The following MATR3 variants were observed in gnomAD, a reference collection of about 807,000 sequenced individuals.
MATR3 encodes the protein matrin-3.
MATR3 carries 4 observed loss-of-function variants against 85.5 expected under a neutral mutation model. The ratio of observed to expected loss-of-function variants is 0.05; its 90% CI spans 0.02 to 0.11. The LOEUF (loss-of-function observed/expected upper bound fraction) is 0.11. MATR3 is among the 10% of genes least tolerant of loss of function. The probability of loss-of-function intolerance (pLI) is 1.00; values close to 1 mark genes in which losing one functional copy is unlikely to be tolerated. For missense variants in MATR3, 685 were observed against 1,016.1 expected (o/e 0.67, Z 4.43); for synonymous variants, 336 against 343.1 (o/e 0.98, Z 0.23).
intron 3 of MATR3, chr5:139,279,952 C>T (rs1255204133): frequency 6.6e-6 from 1 of 152,150 alleles, no homozygotes; most frequent in African/African-American, 2.4e-5. Context: ...CTGCTGACTA[C>T]CCTATTGGAC....
At chr5:139,315,625 T>C in intron 3 of MATR3, 72 bp from the exon 4 acceptor site, 1 of 959,546 alleles carries the variant, frequency 1.0e-6, no homozygotes, top group Non-Finnish European at 1.7e-6. Flanking sequence ...ATCTCTATTT[T>C]AGAGGCCAAA....
In MATR3 at chr5:139,328,804, C is replaced by A. The variant is rs185215327; in HGVS notation, c.2494-541C>A. Among the ~76,000 whole-genome samples, 3 of 152,208 alleles carry A rather than the reference C, an allele frequency of 2.0e-5. No individual in the cohort carries two copies. In the East Asian group the frequency reaches 5.8e-4, roughly 29 times the overall value. On this transcript the variant is annotated intron_variant, in intron 14 of 14. Transcript: ENST00000394805. ...ATCACCTGAGATCAGGAGTTTGAGA[C>A]CAGCCTGGCCAACACGGTGAAAACC...
At chr5:139,312,066 G>C (rs1755011927) in intron 2 of MATR3, 1 of 152,150 alleles carries the variant, frequency 6.6e-6, no homozygotes, top group African/African-American at 2.4e-5. Flanking sequence ...ACCACGCCCA[G>C]CCAAGGCTTC....
chr5:139,329,408 G>T lies in MATR3; in HGVS notation c.*13G>T. The T allele has an allele frequency of 6.2e-7, 1 of 1,602,712 alleles. No individual in the cohort carries two copies. The highest frequency in any genetic ancestry group is 1.1e-5 in the South Asian group (1 of 90,776). On this transcript the variant is annotated 3_prime_UTR_variant, in exon 15 of 15. Coordinates refer to ENST00000394805, the MANE Select transcript of MATR3 (RefSeq NM_018834.6). The stretch of plus-strand genomic sequence containing the variant: ...GAAGGAAACTTAAGATGTGCAAGGA[G>T]ATTTAATGATTTCAAAGAAAATAAT...
At chr5:139,324,336 C>T (rs1755735387) in intron 12 of MATR3, among the ~76,000 whole-genome samples, 1 of 148,748 alleles carries the variant, frequency 6.7e-6, no homozygotes, top group African/African-American at 2.5e-5. Context: ...CTCTGTTGCC[C>T]AGGCTGGAGT....
chr5:139,295,953 A>AG (rs1754126522), intron 1 of MATR3, among the ~76,000 whole-genome samples: 1 of 152,088 alleles, frequency 6.6e-6, no homozygotes, highest in Admixed American at 6.6e-5. Flanking sequence ...CCTCCTGGGT[A>AG]GCTGAGATCA....
chr5:139,281,698 T>A (rs1361840762), intron 3 of MATR3, among the ~76,000 whole-genome samples: 2 of 152,074 alleles, frequency 1.3e-5, no homozygotes, highest in East Asian at 3.9e-4. Flanking sequence ...CAATGAAAAC[T>A]TGAATGAGAC....
intron 3 of MATR3, among the ~76,000 whole-genome samples, chr5:139,287,902 T>C (rs988448950): frequency 2.6e-5 from 4 of 152,116 alleles, no homozygotes; most frequent in African/African-American, 9.7e-5. Flanking sequence ...AGGCATTTGA[T>C]GAATGAAATC....
At chr5:139,286,861 A>T (rs1213572801) in intron 3 of MATR3, among the ~76,000 whole-genome samples, 3 of 152,010 alleles carry the variant, frequency 2.0e-5, no homozygotes, top group African/African-American at 7.2e-5. Context: ...AAAAAAAGGA[A>T]TAATGGTAAT....
intron 6 of MATR3, among the ~76,000 whole-genome samples, 200 bp downstream of exon 6, chr5:139,317,305 A>T (rs1755301192): frequency 1.3e-5 from 2 of 152,220 alleles, no homozygotes; most frequent in Admixed American, 1.3e-4. Flanking sequence ...GGTCACCTTA[A>T]TTCAGCATCT....
chr5:139,301,733 G>A (rs561171406), intron 1 of MATR3, among the ~76,000 whole-genome samples: 1 of 152,186 alleles, frequency 6.6e-6, no homozygotes, highest in Non-Finnish European at 1.5e-5. Context: ...GGTACACGGG[G>A]TAACTTTCTA....
At chr5:139,314,544 A>G in intron 2 of MATR3, 131 bp from the exon 3 acceptor site, 1 of 726,250 alleles carries the variant, frequency 1.4e-6, no homozygotes, top group Non-Finnish European at 2.5e-6. Context: ...AATCAATGTG[A>G]TTTAGTGAAT....
chr5:139,290,896 G>A (rs1753852063), upstream of MATR3, among the ~76,000 whole-genome samples: 1 of 152,044 alleles, frequency 6.6e-6, no homozygotes, highest in Admixed American at 6.6e-5. Flanking sequence ...AACTTGCGTT[G>A]GATAGTATTA....
At chr5:139,318,036 A>T (rs752526027) in intron 7 of MATR3, among the ~76,000 whole-genome samples, 1 of 152,236 alleles carries the variant, frequency 6.6e-6, no homozygotes, top group Non-Finnish European at 1.5e-5. Context: ...TTTTAGTCCA[A>T]TTGGCATAGT....
chr5:139,279,503 A>C (rs1035302933), intron 3 of MATR3: 76 of 178,440 alleles, frequency 4.3e-4, no homozygotes, highest in African/African-American at 1.7e-3. Context: ...CTGGGATTAC[A>C]GGTTTTTTTG....
At chr5:139,311,832 A>G (rs1009792598) in intron 2 of MATR3, 2 of 119,718 alleles carry the variant, frequency 1.7e-5, no homozygotes, top group Admixed American at 1.2e-4. Flanking sequence ...CAGTGGCGTG[A>G]TCTTGGCTCA....
At chr5:139,298,442 C>G (rs1028909269) in intron 1 of MATR3, among the ~76,000 whole-genome samples, 6 of 152,124 alleles carry the variant, frequency 3.9e-5, no homozygotes, top group Admixed American at 2.0e-4. Flanking sequence ...CGTGATGGCG[C>G]GTTCCTGTAA....
intron 3 of MATR3, among the ~76,000 whole-genome samples, chr5:139,288,198 G>T (rs973024169): frequency 6.6e-6 from 1 of 152,070 alleles, no homozygotes; most frequent in Non-Finnish European, 1.5e-5. Flanking sequence ...TGGGAAACAC[G>T]AGACCCTGTC....
chr5:139,329,810 G>A lies in MATR3; in HGVS notation c.*415G>A, dbSNP rs1756044405. ...ATTACTTTCATCTGAAACATTCCAT[G>A]TTTTAATCTGAGCCTTGCAGACTTT... On this transcript the variant is annotated 3_prime_UTR_variant, in exon 15 of 15. Coordinates refer to ENST00000394805, the MANE Select transcript of MATR3 (RefSeq NM_018834.6). The A allele has an allele frequency of 6.6e-6, 3 of 454,606 alleles. No individual in the cohort carries two copies. The highest frequency in any genetic ancestry group is 4.0e-5 in the African/African-American group (2 of 50,134). The allele number at this position is 454,606 out of a possible 1,614,324, so 28.2% of individuals were successfully genotyped here.
Sources: allele counts gnomAD v4.1 joint callset (sites outside exome capture counted in the v4.1 genomes callset), GRCh38; gene constraint gnomAD v4.1.1; transcripts MANE v1.5; gene names NCBI Gene and HGNC (gene_info 2026-07-23, HGNC 2026-07-21).